The following PIK3CB variants were observed in gnomAD, a reference collection of about 807,000 sequenced individuals.
The protein encoded by PIK3CB is phosphatidylinositol-4,5-bisphosphate 3-kinase catalytic subunit beta.
In PIK3CB, 39 loss-of-function variants were observed where a neutral mutation model predicts 136.8. The ratio of observed to expected loss-of-function variants is 0.29; its 90% CI spans 0.22 to 0.37. The LOEUF (loss-of-function observed/expected upper bound fraction) is 0.37. Among genes scored for constraint, PIK3CB ranks in the 10% least tolerant of loss-of-function variants. The pLI is 1.00. For missense variants in PIK3CB, 868 were observed against 1,275.4 expected (o/e 0.68, Z 4.87); for synonymous variants, 428 against 436.6 (o/e 0.98, Z 0.25).
At chr3:138,821,308 A>G (rs1382450344) in intron 1 of PIK3CB, among the ~76,000 whole-genome samples, 3 of 151,032 alleles carry the variant, frequency 2.0e-5, no homozygotes, top group African/African-American at 7.3e-5. Context: ...AAACAAAAAA[A>G]AAATTAATGC....
intron 19 of PIK3CB, among the ~76,000 whole-genome samples, chr3:138,668,863 C>A (rs945284177): frequency 2.0e-5 from 3 of 152,160 alleles, no homozygotes; most frequent in African/African-American, 7.2e-5. Flanking sequence ...CACTACCCAT[C>A]AACCCACACC....
chr3:138,750,226 G>A (rs947736896), intron 4 of PIK3CB, among the ~76,000 whole-genome samples: 1 of 151,596 alleles, frequency 6.6e-6, no homozygotes, highest in Non-Finnish European at 1.5e-5. Context: ...ATCAAATCTG[G>A]CTAATTAGCA....
Position 138,655,792 on chromosome 3 carries a change from A to G in PIK3CB, c.3076-266T>C, listed in dbSNP as rs562749281. On this transcript the variant is annotated intron_variant, in intron 23 of 23. Transcript: ENST00000674063. The stretch of plus-strand genomic sequence containing the variant: ...CTTGCCACTACCACCCAAATCCAGT[A>G]AGATGACTCAAGACCTACTAAGATC... Among the ~76,000 whole-genome samples the G allele has an allele frequency of 2.0e-5, 3 of 152,336 alleles. No homozygotes were observed. The East Asian group carries it at 5.8e-4, about 29-fold the overall frequency.
chr3:138,725,384 C>T (rs1218921622), intron 8 of PIK3CB, among the ~76,000 whole-genome samples: 2 of 152,078 alleles, frequency 1.3e-5, no homozygotes, highest in Non-Finnish European at 2.9e-5. Flanking sequence ...CTGACTTTGC[C>T]GATAATCTAG....
rs532349347 is a variant in PIK3CB, at chr3:138,768,226, G to C, written c.-16-8867C>G. ...CTCAGCAGAGAGGAGGCCCTGGAATGGGTAGCTCCTCTCTGCACCCTGTTG... is the reference window on the plus strand; with the variant it reads ...CTCAGCAGAGAGGAGGCCCTGGAATCGGTAGCTCCTCTCTGCACCCTGTTG... On this transcript the variant is annotated intron_variant, in intron 2 of 23. Coordinates refer to ENST00000674063, the MANE Select transcript of PIK3CB (RefSeq NM_006219.3). 9.3e-4 allele frequency among the ~76,000 whole-genome samples: 141 copies of C among 152,088 alleles called. No individual in the cohort carries two copies. In the Middle Eastern group the frequency reaches 0.01, roughly 11 times the overall value.
chr3:138,720,727 G>A (rs1439004952), intron 8 of PIK3CB, among the ~76,000 whole-genome samples: 1 of 152,100 alleles, frequency 6.6e-6, no homozygotes, highest in Non-Finnish European at 1.5e-5. Context: ...AATTAGTCAG[G>A]TGTGGTGGCG....
intron 1 of PIK3CB, among the ~76,000 whole-genome samples, chr3:138,811,450 G>C (rs1304547487): frequency 6.9e-6 from 1 of 144,454 alleles, no homozygotes; most frequent in East Asian, 2.0e-4. Flanking sequence ...TTTTTTGGCA[G>C]TGTCTCACTT....
At chr3:138,678,136 T>A (rs937577717) in intron 19 of PIK3CB, among the ~76,000 whole-genome samples, 43 of 151,690 alleles carry the variant, frequency 2.8e-4, no homozygotes, top group African/African-American at 9.4e-4. Context: ...CCAAAGTGCT[T>A]GGGATTACAG....
intron 4 of PIK3CB, among the ~76,000 whole-genome samples, chr3:138,746,932 G>A (rs972119040): frequency 3.3e-5 from 5 of 149,864 alleles, no homozygotes; most frequent in Admixed American, 1.3e-4. Context: ...ACATAGCTGC[G>A]GCGACAGTTT....
At chr3:138,679,748 A>AATTATTATTATTATTATTATTATTATT (rs59677449) in intron 19 of PIK3CB, among the ~76,000 whole-genome samples, 1 of 141,434 alleles carries the variant, frequency 7.1e-6, no homozygotes, top group African/African-American at 2.5e-5. Context: ...ATGCCTGGCT[A>AATTATTATTATTATTATTATTATTATT]ATTATTATTA....
chr3:138,807,216 T>A (rs1202027039), intron 1 of PIK3CB, among the ~76,000 whole-genome samples: 1 of 152,154 alleles, frequency 6.6e-6, no homozygotes, highest in African/African-American at 2.4e-5. Context: ...GGAGAATTGC[T>A]TGAACTCAGG....
chr3:138,690,868 C>T (rs1366902282), intron 15 of PIK3CB, 132 bp downstream of exon 15: 2 of 622,764 alleles, frequency 3.2e-6, no homozygotes, highest in Non-Finnish European at 5.5e-6. Flanking sequence ...CAGGAGAAGG[C>T]ACCAAAACCA....
intron 1 of PIK3CB, among the ~76,000 whole-genome samples, chr3:138,798,841 G>T (rs935669399): frequency 1.3e-4 from 20 of 151,906 alleles, no homozygotes; most frequent in Non-Finnish European, 2.5e-4. Context: ...CCTTGGAAAA[G>T]GATATTTTCT....
chr3:138,688,779 C>T, intron 16 of PIK3CB, 96 bp downstream of exon 16: 2 of 708,404 alleles, frequency 2.8e-6, no homozygotes, highest in Non-Finnish European at 5.0e-6. Flanking sequence ...ACACCAAGTA[C>T]CAAATTGAAC....
rs1338981110 is a variant in PIK3CB, at chr3:138,712,227, G to A, written c.1380C>T (p.His460=). 2 of 1,556,208 alleles carry A rather than the reference G, an allele frequency of 1.3e-6. No homozygotes were observed. Among genetic ancestry groups the A allele is most frequent in the South Asian group, 1.1e-5 (1 of 87,134 alleles). Residue 460 remains histidine (H), a synonymous_variant, in exon 10 of 24, where the codon CAC becomes CAT. Coordinates refer to ENST00000674063, the MANE Select transcript of PIK3CB (RefSeq NM_006219.3). ...TCTTACCAGGAAATGAAGACCAGCT[G>A]TGTAATATTATGTCTCCAGTTCTCA... The part of the protein sequence containing the change: ...GQLRTGDIIL[H]SWSSFPDELE...
intron 19 of PIK3CB, among the ~76,000 whole-genome samples, chr3:138,673,181 G>C (rs2043572613): frequency 6.6e-6 from 1 of 151,922 alleles, no homozygotes; most frequent in East Asian, 1.9e-4. Flanking sequence ...ATAAAGGAGA[G>C]AACAGGAAAG....
chr3:138,700,727 A>C (rs1334088399), intron 12 of PIK3CB, among the ~76,000 whole-genome samples: 5 of 151,900 alleles, frequency 3.3e-5, no homozygotes, highest in African/African-American at 1.2e-4. Flanking sequence ...AGATAGATAG[A>C]TAGATAGATA....
At chr3:138,688,440 G>A (rs998473990) in intron 16 of PIK3CB, among the ~76,000 whole-genome samples, 2 of 140,464 alleles carry the variant, frequency 1.4e-5, no homozygotes, top group African/African-American at 2.6e-5. Flanking sequence ...GGCGGAGGTC[G>A]CAGTGAGCCA....
Position 138,655,478 on chromosome 3 carries a change from T to C in PIK3CB, c.3124A>G (p.Lys1042Glu), listed in dbSNP as rs2043174931. The change falls in exon 24 of 24, where the codon AAG becomes GAG. Residue 1042 changes from lysine to glutamate, a missense_variant. Around this residue, in one of 4 missense-constraint regions of PIK3CB, gnomAD observed 88 missense variants for 147.8 expected, o/e 0.60. Transcript: ENST00000674063. Reference sequence around the variant, plus strand: ...CTGAGCGCCTCATCAAATTTTTGCTTAAACTGTTTGAGTGCTTCTTCTTCA... The same window carrying C: ...CTGAGCGCCTCATCAAATTTTTGCTCAAACTGTTTGAGTGCTTCTTCTTCA... The part of the protein sequence containing the change: ...KSEEEALKQF[K>E]QKFDEALRES... 1 of 1,612,970 alleles carries C rather than the reference T, an allele frequency of 6.2e-7. No homozygotes were observed. The highest frequency in any genetic ancestry group is 1.3e-5 in the African/African-American group (1 of 74,910).
Sources: gnomAD v4.1 joint callset for allele counts (sites outside exome capture counted in the v4.1 genomes callset) on GRCh38, gnomAD v4.1.1 for gene constraint, gnomAD v4.1.1 regional missense constraint, MANE v1.5 for transcripts, NCBI Gene and HGNC (gene_info 2026-07-23, HGNC 2026-07-21) for gene names.